The following ADAMTSL1 variants were observed in gnomAD, a reference collection of about 807,000 sequenced individuals.
ADAMTSL1 encodes ADAMTS-like protein 1.
ADAMTSL1 carries 126 observed loss-of-function variants against 201.8 expected under a neutral mutation model. The ratio of observed to expected loss-of-function variants is 0.62; its 90% CI spans 0.54 to 0.72. ADAMTSL1 has a LOEUF of 0.72. Among genes scored for constraint, ADAMTSL1 ranks in the 30% least tolerant of loss-of-function variants. The pLI is 0.00. For synonymous variants in ADAMTSL1, 1,121 were observed against 903.4 expected (o/e 1.24, Z -4.32); for missense variants, 2,679 against 2,277.8 (o/e 1.18, Z -3.59).
At chr9:18,222,722 A>C (rs1218324683) in intron 2 of ADAMTSL1, among the ~76,000 whole-genome samples, 1 of 150,990 alleles carries the variant, frequency 6.6e-6, no homozygotes, top group Non-Finnish European at 1.5e-5. Context: ...TCTTGAAATA[A>C]ATAGTTTAGA....
In ADAMTSL1 at chr9:18,746,855, C is replaced by T. The variant is rs144115041; in HGVS notation, c.2007-6443C>T. ...CCAAGAAGGGTCAACCATCATGGGT[C>T]GTTGATTACCCATATTAACCCTGAT... On this transcript the variant is annotated intron_variant, in intron 15 of 28. Transcript: ENST00000380548. 7.6e-4 allele frequency among the ~76,000 whole-genome samples: 116 copies of T among 151,754 alleles called. 1 individual carries two copies. Among genetic ancestry groups the T allele is most frequent in the African/African-American group, 2.5e-3 (104 of 41,358 alleles).
chr9:18,533,323 G>A, intron 3 of ADAMTSL1, 31 bp downstream of exon 3: 2 of 1,590,324 alleles, frequency 1.3e-6, no homozygotes, highest in Non-Finnish European at 1.7e-6. Context: ...TTGTAATCAT[G>A]TATTTTTGTT....
At chr9:18,839,028 T>TA in intron 23 of ADAMTSL1, among the ~76,000 whole-genome samples, 1 of 151,098 alleles carries the variant, frequency 6.6e-6, no homozygotes, top group South Asian at 2.1e-4. Context: ...CTCTCCTTTT[T>TA]TTTTTTAATT....
intron 2 of ADAMTSL1, among the ~76,000 whole-genome samples, chr9:18,240,931 C>G (rs1322340347): frequency 6.6e-6 from 1 of 152,208 alleles, no homozygotes; most frequent in African/African-American, 2.4e-5. Context: ...AGCTTCCTCA[C>G]TTCTGTCAAC....
intron 2 of ADAMTSL1, among the ~76,000 whole-genome samples, chr9:18,350,362 G>A (rs551237639): frequency 6.6e-6 from 1 of 152,210 alleles, no homozygotes; most frequent in East Asian, 1.9e-4. Context: ...ATACCTTGAG[G>A]AATTTGGGCC....
intron 15 of ADAMTSL1, among the ~76,000 whole-genome samples, chr9:18,746,355 G>A: frequency 6.6e-6 from 1 of 152,174 alleles, no homozygotes; most frequent in South Asian, 2.1e-4. Flanking sequence ...ACTTAGTGGT[G>A]TCTAGTTTAT....
intron 1 of ADAMTSL1, among the ~76,000 whole-genome samples, chr9:17,984,058 A>T (rs1323153879): frequency 6.6e-6 from 1 of 152,180 alleles, no homozygotes; most frequent in Non-Finnish European, 1.5e-5. Flanking sequence ...AATTTATTTA[A>T]TTGAAAATTA....
chr9:18,289,287 T>C (rs565999057), intron 2 of ADAMTSL1, among the ~76,000 whole-genome samples: 1 of 152,254 alleles, frequency 6.6e-6, no homozygotes, highest in African/African-American at 2.4e-5. Flanking sequence ...GCAAGTTGGA[T>C]ACCCAGGAGA....
At chr9:18,615,265 A>T (rs1403576221) in intron 4 of ADAMTSL1, among the ~76,000 whole-genome samples, 1 of 152,160 alleles carries the variant, frequency 6.6e-6, no homozygotes, top group East Asian at 1.9e-4. Flanking sequence ...TAAAAGAGGG[A>T]ATTTTGGTAC....
chr9:18,053,884 GTTGTT>G (rs1822053146), intron 1 of ADAMTSL1, among the ~76,000 whole-genome samples: 1 of 152,250 alleles, frequency 6.6e-6, no homozygotes, highest in East Asian at 1.9e-4. Flanking sequence ...AAGTAAAGGT[GTTGTT>G]TTGTTTTTTC....
chr9:18,235,063 AT>A (rs1830789339), intron 2 of ADAMTSL1, among the ~76,000 whole-genome samples: 1 of 152,032 alleles, frequency 6.6e-6, no homozygotes, highest in African/African-American at 2.4e-5. Flanking sequence ...CAAATCCTAA[AT>A]GTTTTTCTGA....
intron 7 of ADAMTSL1, 41 bp from the exon 8 acceptor site, chr9:18,657,598 G>A (rs765849326): frequency 3.4e-6 from 5 of 1,479,882 alleles, no homozygotes; most frequent in South Asian, 1.1e-5. Context: ...AGAAAGCACC[G>A]CACTGTCACA....
chr9:18,751,521 G>A (rs1426430694), intron 15 of ADAMTSL1, among the ~76,000 whole-genome samples: 1 of 152,204 alleles, frequency 6.6e-6, no homozygotes, highest in Admixed American at 6.6e-5. Flanking sequence ...ATGAGATAAT[G>A]TGTTAAGGTG....
intron 2 of ADAMTSL1, among the ~76,000 whole-genome samples, chr9:18,407,343 G>A (rs1261185369): frequency 6.6e-6 from 1 of 152,140 alleles, no homozygotes; most frequent in Admixed American, 6.5e-5. Flanking sequence ...AGGGAACATG[G>A]TACATTTATC....
intron 2 of ADAMTSL1, among the ~76,000 whole-genome samples, chr9:18,179,429 G>A (rs903368238): frequency 1.3e-5 from 2 of 152,152 alleles, no homozygotes; most frequent in Non-Finnish European, 2.9e-5. Context: ...CGGGGAGAAT[G>A]GAACCAAGTG....
intron 15 of ADAMTSL1, among the ~76,000 whole-genome samples, chr9:18,735,011 G>T (rs984418904): frequency 2.0e-5 from 3 of 152,132 alleles, no homozygotes; most frequent in African/African-American, 7.2e-5. Context: ...TGTTAAAAAT[G>T]GATCAAATTA....
intron 2 of ADAMTSL1, among the ~76,000 whole-genome samples, chr9:18,226,080 T>G (rs1365515310): frequency 3.3e-5 from 5 of 152,210 alleles, no homozygotes; most frequent in African/African-American, 7.2e-5. Flanking sequence ...AATAGGAGTT[T>G]TCTTTAGTCA....
intron 13 of ADAMTSL1, among the ~76,000 whole-genome samples, chr9:18,698,229 A>C (rs1831681255): frequency 6.6e-6 from 1 of 152,184 alleles, no homozygotes; most frequent in Non-Finnish European, 1.5e-5. Context: ...ACTAGGAATC[A>C]TTGATGAACA....
chr9:18,527,550 G>A (rs1012877296), intron 2 of ADAMTSL1, among the ~76,000 whole-genome samples: 5 of 152,116 alleles, frequency 3.3e-5, no homozygotes, highest in African/African-American at 9.7e-5. Flanking sequence ...TTTGACCCTA[G>A]AGAAAAATCT....
Sources: gnomAD v4.1 joint callset for allele counts (sites outside exome capture counted in the v4.1 genomes callset) on GRCh38, gnomAD v4.1.1 for gene constraint, MANE v1.5 for transcripts, NCBI Gene and HGNC (gene_info 2026-07-23, HGNC 2026-07-21) for gene names.